Variants in PRKN observed in about 807,000 individuals in gnomAD.
PRKN encodes the protein E3 ubiquitin-protein ligase parkin.
In PRKN, 56 loss-of-function variants were observed where a neutral mutation model predicts 59.5. That is an observed-to-expected ratio of 0.94 (90% CI 0.76 to 1.18). The LOEUF is 1.18. Ranked by LOEUF, PRKN falls within the 50% of genes most tolerant of loss-of-function variation. The pLI, the probability that PRKN is intolerant of heterozygous loss-of-function variation, is 0.00. For missense variants in PRKN, 657 were observed against 596.4 expected, an observed-to-expected ratio of 1.10 and a Z score of -1.06; for synonymous variants, 250 against 222.1, an observed-to-expected ratio of 1.13 and a Z score of -1.12.
chr6:161,376,746 G>A lies in PRKN; in HGVS notation c.1167+10048C>T, dbSNP rs987898877. 2.0e-5 allele frequency among the ~76,000 whole-genome samples: 3 copies of A among 152,156 alleles called. No homozygotes were observed. The highest frequency in any genetic ancestry group is 3.9e-4 in the East Asian group (2 of 5,178). ...CTCCCCTCAGTCTTCTGTGGCAACCGCACTGCAGTGGGACTCCACCTCTGC... is the reference window on the plus strand; with the variant it reads ...CTCCCCTCAGTCTTCTGTGGCAACCACACTGCAGTGGGACTCCACCTCTGC... On this transcript the variant is annotated intron_variant, in intron 10 of 11. Transcript: ENST00000366898. The surrounding 1 kb of genome is among the most constrained non-coding windows in gnomAD (Gnocchi z 7.3).
At chr6:162,569,683 C>T (rs1400916627) in intron 1 of PRKN, 8 of 631,750 alleles carry the variant, frequency 1.3e-5, no homozygotes, top group Admixed American at 2.2e-5. Context: ...TCAAGACCTG[C>T]GATGGGAAGC....
chr6:161,810,774 A>G (rs746999219), intron 6 of PRKN, among the ~76,000 whole-genome samples: 22 of 152,244 alleles, frequency 1.4e-4, no homozygotes, highest in Non-Finnish European at 3.1e-4. Context: ...GGAAAAATCA[A>G]AAAATAAAAT....
chr6:162,617,778 T>C (rs1782494249), intron 1 of PRKN, among the ~76,000 whole-genome samples: 1 of 152,048 alleles, frequency 6.6e-6, no homozygotes, highest in Admixed American at 6.6e-5. Flanking sequence ...GTTATGGTCC[T>C]ATGATGAAAT....
intron 1 of PRKN, among the ~76,000 whole-genome samples, chr6:162,492,019 T>A (rs553093284): frequency 6.6e-5 from 10 of 152,174 alleles, no homozygotes; most frequent in African/African-American, 2.4e-4. Context: ...GTGGCAGACG[T>A]GTCTCGGGTG....
At chr6:162,060,750 A>C (rs1322890287) in intron 4 of PRKN, among the ~76,000 whole-genome samples, 1 of 152,256 alleles carries the variant, frequency 6.6e-6, no homozygotes, top group African/African-American at 2.4e-5. Flanking sequence ...TGATGCTTAA[A>C]ATAAATTGCT....
rs554008621 is a variant in PRKN, at chr6:162,492,768, A to G, written c.8-49295T>C. ...AGATCCAGACCATACTGACTAACAC[A>G]GTGAAACTCTGTCTCTACTAAAAAA... On this transcript the variant is annotated intron_variant, in intron 1 of 11. Coordinates refer to ENST00000366898, the MANE Select transcript of PRKN (RefSeq NM_004562.3). Among the ~76,000 whole-genome samples, 8 of 152,204 alleles carry G rather than the reference A, an allele frequency of 5.3e-5. No homozygotes were observed. In the South Asian group the frequency reaches 1.0e-3, roughly 20 times the overall value.
intron 1 of PRKN, among the ~76,000 whole-genome samples, chr6:162,682,078 A>G (rs1229884944): frequency 6.6e-6 from 1 of 152,154 alleles, no homozygotes; most frequent in Non-Finnish European, 1.5e-5. Flanking sequence ...AAATGTTCAT[A>G]CCCTTTGACT....
intron 7 of PRKN, among the ~76,000 whole-genome samples, chr6:161,743,107 C>T (rs1028518633): frequency 6.6e-6 from 1 of 151,750 alleles, no homozygotes; most frequent in Non-Finnish European, 1.5e-5. Flanking sequence ...TTTTTTTCCC[C>T]ACAGATTAGA....
chr6:161,450,477 C>T (rs1011239603), intron 9 of PRKN, among the ~76,000 whole-genome samples: 1 of 152,216 alleles, frequency 6.6e-6, no homozygotes, highest in African/African-American at 2.4e-5. Flanking sequence ...GTTTCCAATG[C>T]CCAATTGTTT....
At chr6:162,234,454 A>T (rs986812348) in intron 3 of PRKN, among the ~76,000 whole-genome samples, 3 of 152,332 alleles carry the variant, frequency 2.0e-5, no homozygotes, top group Admixed American at 6.5e-5. Context: ...AACATAATAT[A>T]GAGTTGTCCC....
At chr6:162,211,873 TCTA>T (rs1239444767) in intron 3 of PRKN, among the ~76,000 whole-genome samples, 1 of 152,192 alleles carries the variant, frequency 6.6e-6, no homozygotes, top group Non-Finnish European at 1.5e-5. Flanking sequence ...TCATAAAATC[TCTA>T]CTACCTCTTA....
At chr6:161,882,778 T>G (rs373697463) in intron 6 of PRKN, among the ~76,000 whole-genome samples, 1 of 151,164 alleles carries the variant, frequency 6.6e-6, no homozygotes, top group Non-Finnish European at 1.5e-5. Context: ...CCGAGGTGGG[T>G]GGATCACTTG....
At chr6:161,899,336 T>G (rs2128234493) in intron 6 of PRKN, among the ~76,000 whole-genome samples, 1 of 152,280 alleles carries the variant, frequency 6.6e-6, no homozygotes, top group Non-Finnish European at 1.5e-5. Context: ...TATTATGAGG[T>G]TTATTCTGAC....
chr6:161,988,215 G>C (rs566233823), intron 5 of PRKN, among the ~76,000 whole-genome samples: 1 of 152,198 alleles, frequency 6.6e-6, no homozygotes, highest in East Asian at 1.9e-4. Context: ...ATTCTTCAGG[G>C]CTGGGCATGG....
At chr6:161,888,184 T>C (rs1268927465) in intron 6 of PRKN, among the ~76,000 whole-genome samples, 1 of 152,184 alleles carries the variant, frequency 6.6e-6, no homozygotes, top group Non-Finnish European at 1.5e-5. Context: ...TAATATCATG[T>C]TCCAGTAGGC....
chr6:162,356,336 C>T (rs934223178), intron 2 of PRKN, among the ~76,000 whole-genome samples: 5 of 151,904 alleles, frequency 3.3e-5, no homozygotes, highest in African/African-American at 1.2e-4. Flanking sequence ...GCCGTCCCCC[C>T]ACCCCCATCC....
chr6:161,806,588 C>T (rs1279629813), intron 6 of PRKN, among the ~76,000 whole-genome samples: 5 of 152,184 alleles, frequency 3.3e-5, no homozygotes, highest in Admixed American at 3.3e-4. Context: ...GGAGGCAGCT[C>T]TCCACCGAGC....
chr6:162,293,741 G>T (rs1265713837), intron 2 of PRKN, among the ~76,000 whole-genome samples: 1 of 152,208 alleles, frequency 6.6e-6, no homozygotes, highest in African/African-American at 2.4e-5. Flanking sequence ...CTGTGGGAAA[G>T]ACTGGGGTTC....
Position 161,758,203 on chromosome 6 carries a change from T to C in PRKN, c.871+27569A>G, listed in dbSNP as rs9355930. Among the ~76,000 whole-genome samples the C allele has an allele frequency of 2.2e-4, 34 of 152,012 alleles. No homozygotes were observed. The East Asian group carries it at 5.4e-3, about 24-fold the overall frequency. On this transcript the variant is annotated intron_variant, in intron 7 of 11. Coordinates refer to ENST00000366898, the MANE Select transcript of PRKN (RefSeq NM_004562.3). ...CTTAAAAAGAAACTCTAAAATATGA[T>C]TTAGTCACCCCACTTCTAGGTATTT...
Sources: allele counts gnomAD v4.1 joint callset (sites outside exome capture counted in the v4.1 genomes callset), GRCh38; gene constraint gnomAD v4.1.1; non-coding constraint Gnocchi (gnomAD v3.1); transcripts MANE v1.5; gene names NCBI Gene and HGNC (gene_info 2026-07-23, HGNC 2026-07-21).